The following CASQ2 variants were observed in gnomAD, a reference collection of about 807,000 sequenced individuals.
The protein encoded by CASQ2 is calsequestrin-2.
In CASQ2, 49 loss-of-function variants were observed where a neutral mutation model predicts 46.5. The ratio of observed to expected loss-of-function variants is 1.05; its 90% CI spans 0.84 to 1.34. The LOEUF is 1.34. Among genes scored for constraint, CASQ2 ranks in the 40% most tolerant of loss-of-function variants. The pLI is 0.00. For synonymous variants in CASQ2, 174 were observed against 168.5 expected (o/e 1.03, Z -0.25); for missense variants, 486 against 481.3 (o/e 1.01, Z -0.09).
chr1:115,722,416 A>G (rs1647412624), intron 7 of CASQ2, among the ~76,000 whole-genome samples: 3 of 152,224 alleles, frequency 2.0e-5, no homozygotes, highest in African/African-American at 4.8e-5. Flanking sequence ...TCCTTTCTGA[A>G]CATCTGCCTC....
intron 1 of CASQ2, among the ~76,000 whole-genome samples, chr1:115,765,772 A>G (rs1287300018): frequency 6.6e-6 from 1 of 152,016 alleles, no homozygotes; most frequent in Non-Finnish European, 1.5e-5. Context: ...CCCTCCAGCT[A>G]TTTGTCCGTG....
In CASQ2 at chr1:115,700,972, CCAG is replaced by C. The variant is rs1285172060; in HGVS notation, c.*266_*268del. The C allele has an allele frequency of 8.1e-6, 5 of 616,858 alleles. No homozygotes were observed. The African/African-American group carries it at 9.2e-5, about 11-fold the overall frequency. 38.2% of individuals were successfully genotyped at this position (616,858 alleles called of 1,614,324 possible). A position where few individuals can be genotyped will look rare whatever the true frequency, so the allele number is the denominator to read the frequency against. On this transcript the variant is annotated 3_prime_UTR_variant, in exon 11 of 11. Transcript: ENST00000261448. ...AGGCACTGCCATGACCCTTGATGGT[CCAG>C]CAAAGAACAAGATCTGTTCCGTGAC...
chr1:115,712,558 C>T (rs1171780415), intron 8 of CASQ2, among the ~76,000 whole-genome samples: 1 of 152,126 alleles, frequency 6.6e-6, no homozygotes, highest in Non-Finnish European at 1.5e-5. Context: ...AAAAACAGCA[C>T]CTAACACGTC....
At chr1:115,750,844 G>T (rs969228795) in intron 1 of CASQ2, among the ~76,000 whole-genome samples, 1 of 142,978 alleles carries the variant, frequency 7.0e-6, no homozygotes, top group Admixed American at 7.0e-5. Context: ...AATTCAATAG[G>T]AAAGAAGTGG....
intron 6 of CASQ2, among the ~76,000 whole-genome samples, chr1:115,726,783 A>C (rs1647606370): frequency 6.6e-6 from 1 of 152,190 alleles, no homozygotes; most frequent in African/African-American, 2.4e-5. Context: ...GGGATTTATC[A>C]AACTCTGCTT....
At chr1:115,735,414 G>A (rs1043958374) in intron 4 of CASQ2, among the ~76,000 whole-genome samples, 2 of 152,146 alleles carry the variant, frequency 1.3e-5, no homozygotes, top group African/African-American at 2.4e-5. Context: ...AATATTTTGA[G>A]GGATCATTAT....
intron 1 of CASQ2, among the ~76,000 whole-genome samples, chr1:115,751,322 C>T (rs1415414823): frequency 2.0e-5 from 3 of 151,954 alleles, no homozygotes; most frequent in Non-Finnish European, 1.5e-5. Context: ...GTGTAAGACA[C>T]GTGTCAGCTC....
chr1:115,732,866 A>T (rs765025646), intron 5 of CASQ2, 35 bp downstream of exon 5: 2 of 1,474,186 alleles, frequency 1.4e-6, no homozygotes, highest in Non-Finnish European at 1.9e-6. Context: ...TCATGCCTAC[A>T]AAACTGTTCA....
chr1:115,734,063 G>T (rs1420442772), intron 4 of CASQ2, among the ~76,000 whole-genome samples: 1 of 152,156 alleles, frequency 6.6e-6, no homozygotes, highest in East Asian at 1.9e-4. Context: ...GGTGAGAGAG[G>T]GGTTGGAAAG....
At chr1:115,725,678 G>C in intron 6 of CASQ2, 125 bp from the exon 7 acceptor site, 1 of 1,281,798 alleles carries the variant, frequency 7.8e-7, no homozygotes, top group Non-Finnish European at 1.1e-6. Flanking sequence ...AAGGCAGGGA[G>C]AGCCCTAAAA....
intron 7 of CASQ2, among the ~76,000 whole-genome samples, chr1:115,719,280 A>C (rs1018941163): frequency 1.3e-5 from 2 of 152,018 alleles, no homozygotes; most frequent in Admixed American, 6.6e-5. Context: ...ACAAATCGAC[A>C]GCAACCAGAA....
chr1:115,748,661 G>C (rs1051433822), intron 1 of CASQ2, among the ~76,000 whole-genome samples: 1 of 152,184 alleles, frequency 6.6e-6, no homozygotes, highest in African/African-American at 2.4e-5. Context: ...CTTTCTGCAA[G>C]TCACTTGGCT....
chr1:115,711,770 T>A (rs1350964604), intron 8 of CASQ2, among the ~76,000 whole-genome samples: 1 of 152,110 alleles, frequency 6.6e-6, no homozygotes, highest in Non-Finnish European at 1.5e-5. Context: ...TTCTCCTGCA[T>A]CAGCCTCCTG....
chr1:115,755,522 G>A (rs1648727656), intron 1 of CASQ2, among the ~76,000 whole-genome samples: 1 of 152,176 alleles, frequency 6.6e-6, no homozygotes, highest in South Asian at 2.1e-4. Flanking sequence ...TGAACGAAGA[G>A]ATCCTTGACT....
At chr1:115,738,134 TGAAGACC>T (rs1199500356) in intron 4 of CASQ2, 83 bp downstream of exon 4, 3 of 813,720 alleles carry the variant, frequency 3.7e-6, no homozygotes, top group Non-Finnish European at 6.7e-6. Flanking sequence ...AAAGAGGTGC[TGAAGACC>T]CATCCTCTTT....
intron 1 of CASQ2, among the ~76,000 whole-genome samples, chr1:115,746,160 T>TG (rs1231348448): frequency 1.5e-5 from 1 of 67,418 alleles, no homozygotes; most frequent in African/African-American, 2.9e-5. Context: ...ATCGATACGC[T>TG]GTTTTTTTTT....
chr1:115,738,528 G>A (rs890750963), intron 3 of CASQ2, among the ~76,000 whole-genome samples, 193 bp from the exon 4 acceptor site: 1 of 152,164 alleles, frequency 6.6e-6, no homozygotes, highest in Admixed American at 6.5e-5. Context: ...AACTTAAAGA[G>A]TTAAATGATT....
intron 1 of CASQ2, among the ~76,000 whole-genome samples, chr1:115,750,294 A>G (rs187311252): frequency 6.6e-6 from 1 of 152,298 alleles, no homozygotes; most frequent in African/African-American, 2.4e-5. Flanking sequence ...TTGACGTACA[A>G]CTGTTTCTCT....
intron 9 of CASQ2, among the ~76,000 whole-genome samples, chr1:115,703,488 AT>A (rs573595066): frequency 4.9e-4 from 73 of 148,322 alleles, no homozygotes; most frequent in South Asian, 8.5e-4. Flanking sequence ...GGGCCACAGG[AT>A]TTTTTTTTTT....
Sources: allele counts gnomAD v4.1 joint callset (sites outside exome capture counted in the v4.1 genomes callset), GRCh38; gene constraint gnomAD v4.1.1; transcripts MANE v1.5; gene names NCBI Gene and HGNC (gene_info 2026-07-23, HGNC 2026-07-21).